The following TRIM62 variants were observed in gnomAD, a reference collection of about 807,000 sequenced individuals.
The protein encoded by TRIM62 is tripartite motif containing 62, also known as E3 ubiquitin-protein ligase TRIM62.
Under a neutral mutation model 44.2 loss-of-function variants are expected in TRIM62, and 39 were observed. That is an observed-to-expected ratio of 0.88 (90% CI 0.68 to 1.15). The LOEUF is 1.15. TRIM62 is among the 50% of genes most tolerant of loss of function. The pLI is 0.00. For missense variants in TRIM62, 544 were observed against 665.5 expected (o/e 0.82, Z 2.01); for synonymous variants, 278 against 292.3 (o/e 0.95, Z 0.50).
intron 4 of TRIM62, among the ~76,000 whole-genome samples, chr1:33,153,813 G>A (rs1482491833): frequency 6.6e-6 from 1 of 152,210 alleles, no homozygotes; most frequent in Non-Finnish European, 1.5e-5. Flanking sequence ...AAACAGAACT[G>A]AGACTAGGAT....
At chr1:33,154,696 G>T (rs1331144841) in intron 4 of TRIM62, among the ~76,000 whole-genome samples, 1 of 151,720 alleles carries the variant, frequency 6.6e-6, no homozygotes, top group Non-Finnish European at 1.5e-5. Flanking sequence ...TACTTGGGAG[G>T]CCGAGGCAGG....
rs544226616 is a variant in TRIM62, at chr1:33,181,298, C to G, written c.135G>C (p.Gln45His). 2.5e-5 allele frequency: 39 copies of G among 1,553,728 alleles called. No homozygotes were observed. In the African/African-American group the frequency reaches 5.0e-4, roughly 20 times the overall value. The part of the protein sequence containing the change: ...ITEHWVRQEA[Q>H]GARDCPECRR... The stretch of plus-strand genomic sequence containing the variant: ...GGCACTCGGGGCAGTCGCGGGCGCC[C>G]TGCGCCTCCTGCCGCACCCAGTGCT... The change falls in exon 1 of 5, where the codon CAG (glutamine) becomes CAC (histidine). Residue 45 changes from glutamine to histidine, a missense_variant. Physicochemically the swap from Gln to His is conservative, Grantham distance 24 (BLOSUM62 0). Transcript: ENST00000291416. The surrounding 1 kb of genome is among the most constrained non-coding windows in gnomAD (Gnocchi z 6.5).
At chr1:33,150,043 A>G (rs919968981) in intron 4 of TRIM62, among the ~76,000 whole-genome samples, 3 of 152,214 alleles carry the variant, frequency 2.0e-5, no homozygotes, top group Non-Finnish European at 1.5e-5. Flanking sequence ...TAAAAATTTC[A>G]TGAACCCTTG....
rs756823760 is a variant in TRIM62, at chr1:33,165,480, C to T, written c.495G>A (p.Ala165=). Residue 165 remains alanine, a synonymous_variant, in exon 2 of 5, where the codon GCG becomes GCA. Coordinates refer to ENST00000291416, the MANE Select transcript of TRIM62 (RefSeq NM_018207.3). This position sits in a 1 kb window ranked among gnomAD's most constrained non-coding sequence, Gnocchi z 4.0. Reference sequence around the variant, plus strand: ...CCCCGGCCAGGCTCACCTTGGTCTCCGCCAGTTGTCGCTTGAGCAGCTGCA... The same window carrying T: ...CCCCGGCCAGGCTCACCTTGGTCTCTGCCAGTTGTCGCTTGAGCAGCTGCA... ...EALQLLKRQL[A]ETKSSTKSLR... is the part of the protein sequence containing the mutation. The T allele has an allele frequency of 1.6e-5, 25 of 1,603,528 alleles. No individual in the cohort carries two copies. The highest frequency in any genetic ancestry group is 2.0e-5 in the Non-Finnish European group (24 of 1,175,060).
In TRIM62 at chr1:33,158,047, G is replaced by A. The variant is rs113961839; in HGVS notation, c.877+206C>T. ...TGGGATTACAGGTGTGAGCCACCAC[G>A]CCCAGCCATCTCCTGGGGTGTTATG... is the stretch of plus-strand genomic sequence containing the variant. On this transcript the variant is annotated intron_variant, in intron 4 of 4. Transcript: ENST00000291416. Among the ~76,000 whole-genome samples, 122 of 152,272 alleles carry A rather than the reference G, an allele frequency of 8.0e-4. 1 individual carries two copies. The highest frequency in any genetic ancestry group is 2.8e-3 in the African/African-American group (115 of 41,548).
chr1:33,158,690 T>C (rs937455290), intron 3 of TRIM62, among the ~76,000 whole-genome samples: 1 of 152,234 alleles, frequency 6.6e-6, no homozygotes, highest in Non-Finnish European at 1.5e-5. Context: ...CAATCAGTAT[T>C]GATCACCAAC....
Position 33,159,988 on chromosome 1 carries a change from G to A in TRIM62, c.505-44C>T. On this transcript the variant is annotated intron_variant, in intron 2 of 4. Coordinates refer to ENST00000291416, the MANE Select transcript of TRIM62 (RefSeq NM_018207.3). This position sits in a 1 kb window ranked among gnomAD's most constrained non-coding sequence, Gnocchi z 4.2. The stretch of plus-strand genomic sequence containing the variant: ...AGGGGTTATGGCTGGGGGAGCAGAT[G>A]GGGTGATCTCTGGGTGAGAGGAGGA... The A allele has an allele frequency of 1.9e-6, 3 of 1,583,058 alleles. No individual in the cohort carries two copies. Among genetic ancestry groups the A allele is most frequent in the Non-Finnish European group, 2.6e-6 (3 of 1,166,710 alleles).
In TRIM62 at chr1:33,147,969, A is replaced by G. The variant is rs1335373539; in HGVS notation, c.878-242T>C. ...GAGCAGGGGCTACAGCTGCTTGTTC[A>G]CTGCCTGATGCCCAGGGCGGAGCAC... On this transcript the variant is annotated intron_variant, in intron 4 of 4. Transcript: ENST00000291416. This position sits in a 1 kb window ranked among gnomAD's most constrained non-coding sequence, Gnocchi z 8.1. Among the ~76,000 whole-genome samples the G allele has an allele frequency of 6.6e-6, 1 of 152,178 alleles. No individual in the cohort carries two copies. The highest frequency in any genetic ancestry group is 1.5e-5 in the Non-Finnish European group (1 of 68,024).
In TRIM62 at chr1:33,147,448, A is replaced by G; in HGVS notation, c.1157T>C (p.Phe386Ser). ...GCCATCGTGCATCACGATGCAGTAG[A>G]AGCCGCGGCTGGGCTGGATCTGGAT... ...GSIQIQPSRG[F>S]YCIVMHDGNQ... Residue 386 changes from phenylalanine to serine, a missense_variant, in exon 5 of 5, where the codon TTC becomes TCC. By Grantham distance (155) the Phe-to-Ser change is radical. Coordinates refer to ENST00000291416, the MANE Select transcript of TRIM62 (RefSeq NM_018207.3). The surrounding 1 kb of genome is among the most constrained non-coding windows in gnomAD (Gnocchi z 8.1). The G allele has an allele frequency of 1.2e-6, 2 of 1,613,996 alleles. No homozygotes were observed. Among genetic ancestry groups the G allele is most frequent in the Non-Finnish European group, 1.7e-6 (2 of 1,180,012 alleles).
chr1:33,159,865 G>T lies in TRIM62; in HGVS notation c.584C>A (p.Ala195Asp). ...LHRLLRERQK[A>D]MLEELEADTA... is the part of the protein sequence containing the mutation. ...GTCCGCCTCCAGCTCCTCTAGCATG[G>T]CCTTCTGGCGTTCACGCAGCAGCCG... Residue 195 changes from alanine to aspartate, a missense_variant, in exon 3 of 5, where the codon GCC (alanine) becomes GAC (aspartate). Coordinates refer to ENST00000291416, the MANE Select transcript of TRIM62 (RefSeq NM_018207.3). This position sits in a 1 kb window ranked among gnomAD's most constrained non-coding sequence, Gnocchi z 4.2. 6.2e-7 allele frequency: 1 copy of T among 1,612,916 alleles called. No homozygotes were observed. The highest frequency in any genetic ancestry group is 8.5e-7 in the Non-Finnish European group (1 of 1,180,030).
chr1:33,169,323 A>G (rs1430917400), intron 1 of TRIM62, among the ~76,000 whole-genome samples: 1 of 151,992 alleles, frequency 6.6e-6, no homozygotes, highest in Non-Finnish European at 1.5e-5. Context: ...CTTGATTCCT[A>G]CCGCCTCCAA....
At position 33,147,116 on chromosome 1, in the gene TRIM62, C is replaced by T; in HGVS notation, c.*61G>A. The T allele has an allele frequency of 6.4e-7, 1 of 1,570,176 alleles. No individual in the cohort carries two copies. The highest frequency in any genetic ancestry group is 2.2e-5 in the East Asian group (1 of 44,608). The stretch of plus-strand genomic sequence containing the variant: ...GGCTGGAGTCCAGGTCTTCTATCTC[C>T]TGGGCAGGGCTCTTGCAGGTGGCAG... On this transcript the variant is annotated 3_prime_UTR_variant, in exon 5 of 5. Transcript: ENST00000291416. The surrounding 1 kb of genome is among the most constrained non-coding windows in gnomAD (Gnocchi z 8.1).
At chr1:33,156,787 A>C (rs1195315348) in intron 4 of TRIM62, among the ~76,000 whole-genome samples, 1 of 152,152 alleles carries the variant, frequency 6.6e-6, no homozygotes, top group Admixed American at 6.5e-5. Context: ...CAAACCTTAC[A>C]GGCTTACAAC....
Position 33,147,183 on chromosome 1 carries a change from G to A in TRIM62, c.1422C>T (p.Arg474=). 1 of 1,613,480 alleles carries A rather than the reference G, an allele frequency of 6.2e-7. No individual in the cohort carries two copies. Among genetic ancestry groups the A allele is most frequent in the Non-Finnish European group, 8.5e-7 (1 of 1,179,908 alleles). ...NVQPLRINTV[R]I Reference sequence around the variant, plus strand: ...TGGTCTCCTTCTGCCTGGACTAGATGCGGACGGTGTTGATCCGCAGCGGCT... The same window carrying A: ...TGGTCTCCTTCTGCCTGGACTAGATACGGACGGTGTTGATCCGCAGCGGCT... Residue 474 remains arginine, a synonymous_variant, in exon 5 of 5, where the codon CGC becomes CGT. Coordinates refer to ENST00000291416, the MANE Select transcript of TRIM62 (RefSeq NM_018207.3). The surrounding 1 kb of genome is among the most constrained non-coding windows in gnomAD (Gnocchi z 8.1).
At position 33,181,046 on chromosome 1, in the gene TRIM62, G is replaced by C; in HGVS notation, c.387C>G (p.Asp129Glu). 1 of 1,593,792 alleles carries C rather than the reference G, an allele frequency of 6.3e-7. No homozygotes were observed. Among genetic ancestry groups the C allele is most frequent in the Non-Finnish European group, 8.5e-7 (1 of 1,177,262 alleles). Residue 129 changes from aspartate to glutamate, a missense_variant, in exon 1 of 5, where the codon GAC becomes GAG. By Grantham distance (45) the Asp-to-Glu change is conservative (BLOSUM62 2). Coordinates refer to ENST00000291416, the MANE Select transcript of TRIM62 (RefSeq NM_018207.3). The surrounding 1 kb of genome is among the most constrained non-coding windows in gnomAD (Gnocchi z 6.5). Reference protein sequence around the residue: ...LHEQHQVTGIDDAFDELQREL... With the variant: ...LHEQHQVTGIEDAFDELQREL... Reference sequence around the variant, plus strand: ...GCACCTGCAGCTCGTCGAAGGCGTCGTCGATGCCGGTGACCTGATGCTGCT... The same window carrying C: ...GCACCTGCAGCTCGTCGAAGGCGTCCTCGATGCCGGTGACCTGATGCTGCT...
Position 33,159,731 on chromosome 1 carries a change from C to G in TRIM62, c.718G>C (p.Asp240His). The stretch of plus-strand genomic sequence containing the variant: ...ACCCCAGCCAGGAAGGTGTGCCGGT[C>G]GGTTTCAGCCAGCCGCTCCTGCAGG... ...QILQERLAET[D>H]RHTFLAGVAS... The change falls in exon 3 of 5, where the codon GAC becomes CAC. Residue 240 changes from aspartate to histidine, a missense_variant. By Grantham distance (81) the Asp-to-His change is moderately conservative. Coordinates refer to ENST00000291416, the MANE Select transcript of TRIM62 (RefSeq NM_018207.3). The surrounding 1 kb of genome is among the most constrained non-coding windows in gnomAD (Gnocchi z 4.2). The G allele has an allele frequency of 3.7e-6, 6 of 1,612,102 alleles. No homozygotes were observed. The highest frequency in any genetic ancestry group is 5.1e-6 in the Non-Finnish European group (6 of 1,179,528).
At chr1:33,152,248 T>C (rs1475728316) in intron 4 of TRIM62, among the ~76,000 whole-genome samples, 2 of 152,168 alleles carry the variant, frequency 1.3e-5, no homozygotes, top group African/African-American at 2.4e-5. Context: ...CTTCCCAGCA[T>C]GTGGCCCCAG....
rs138221977 is a variant in TRIM62 at position 33,147,429 on chromosome 1, G to A, written c.1176C>T (p.His392=). 6.2e-6 allele frequency: 10 copies of A among 1,614,110 alleles called. 1 individual carries two copies. Among genetic ancestry groups the A allele is most frequent in the Non-Finnish European group, 7.6e-6 (9 of 1,180,034 alleles). ...TGCAGGCGCTGTACTGGTTGCCATC[G>A]TGCATCACGATGCAGTAGAAGCCGC... ...PSRGFYCIVM[H]DGNQYSACTE... is the part of the protein sequence containing the mutation. The change falls in exon 5 of 5, where the codon CAC becomes CAT. Residue 392 remains histidine (H), a synonymous_variant. Coordinates refer to ENST00000291416, the MANE Select transcript of TRIM62 (RefSeq NM_018207.3). This position sits in a 1 kb window ranked among gnomAD's most constrained non-coding sequence, Gnocchi z 8.1.
intron 1 of TRIM62, among the ~76,000 whole-genome samples, chr1:33,178,770 A>G (rs1645440129): frequency 6.6e-6 from 1 of 152,262 alleles, no homozygotes; most frequent in South Asian, 2.1e-4. Context: ...CTAGAGAGTA[A>G]GCAAGTGGCA....
Sources: allele counts gnomAD v4.1 joint callset (sites outside exome capture counted in the v4.1 genomes callset), GRCh38; gene constraint gnomAD v4.1.1; non-coding constraint Gnocchi (gnomAD v3.1); transcripts MANE v1.5; gene names NCBI Gene and HGNC (gene_info 2026-07-23, HGNC 2026-07-21).